The following KDM5B variants were observed in gnomAD, a reference collection of about 807,000 sequenced individuals.
KDM5B encodes lysine-specific demethylase 5B.
Under a neutral mutation model 193.4 loss-of-function variants are expected in KDM5B, and 144 were observed. The observed-to-expected ratio is 0.74, with a 90% CI of 0.65 to 0.86. KDM5B has a LOEUF of 0.86. Among genes scored for constraint, KDM5B ranks in the 40% least tolerant of loss-of-function variants. KDM5B has a pLI of 0.00. For missense variants in KDM5B, 1,833 were observed against 1,886.9 expected (o/e 0.97, Z 0.53); for synonymous variants, 668 against 682.6 (o/e 0.98, Z 0.33).
At position 202,752,989 on chromosome 1, in the gene KDM5B, T is replaced by C; in HGVS notation, c.1617A>G (p.Pro539=). 1.2e-6 allele frequency: 2 copies of C among 1,614,152 alleles called. No homozygotes were observed. The highest frequency in any genetic ancestry group is 1.7e-6 in the Non-Finnish European group (2 of 1,180,018). Residue 539 remains proline (P), a synonymous_variant, in exon 12 of 27, where the codon CCA becomes CCG. Transcript: ENST00000367265. ...QLENVMKKLA[P]ELFVSQPDLL... is the part of the protein sequence containing the mutation. ...GATCCGGCTGGGACACAAAGAGTTC[T>C]GGAGCTAGTTTCTTCATTACATTTT...
intron 20 of KDM5B, among the ~76,000 whole-genome samples, chr1:202,737,879 G>A (rs1175909646): frequency 6.6e-6 from 1 of 152,194 alleles, no homozygotes; most frequent in Non-Finnish European, 1.5e-5. Flanking sequence ...GGGACAACTA[G>A]GGAAGACTGG....
chr1:202,784,061 G>A (rs1657308192), intron 1 of KDM5B, among the ~76,000 whole-genome samples: 1 of 152,244 alleles, frequency 6.6e-6, no homozygotes, highest in Admixed American at 6.5e-5. Flanking sequence ...TGAGAGAAAT[G>A]TTTAAAAAAT....
rs556577215 is a variant in KDM5B at position 202,755,689 on chromosome 1, A to G, written c.1357-237T>C. ...TCTCTTTTTAAATATATATAGAGGA[A>G]CATAAGCCATGAGTCCACTTTAACA... is the stretch of plus-strand genomic sequence containing the variant. On this transcript the variant is annotated intron_variant, in intron 10 of 26. Transcript: ENST00000367265. Among the ~76,000 whole-genome samples the G allele has an allele frequency of 2.0e-5, 3 of 152,252 alleles. No homozygotes were observed. In the South Asian group the frequency reaches 6.2e-4, roughly 32 times the overall value.
intron 3 of KDM5B, 84 bp from the exon 4 acceptor site, chr1:202,773,372 T>C: frequency 8.8e-7 from 1 of 1,141,422 alleles, no homozygotes. Flanking sequence ...GAAAATGTTC[T>C]TGGCTATGGT....
Position 202,773,264 on chromosome 1 carries a change from C to A in KDM5B, c.430G>T (p.Ala144Ser), listed in dbSNP as rs746800943. ...CATTTTCTATCCTTGCAAACAACTG[C>A]AAATCCACCTTCTTCTGCAACTAAC... ...NKLVAEEGGF[A>S]VVCKDRKWTK... The change falls in exon 4 of 27, where the codon GCA becomes TCA. Residue 144 changes from alanine (A) to serine (S), a missense_variant. Ala to Ser is a moderately conservative substitution (Grantham distance 99, BLOSUM62 1). Transcript: ENST00000367265. 3 of 1,614,128 alleles carry A rather than the reference C, an allele frequency of 1.9e-6. No homozygotes were observed. Among genetic ancestry groups the A allele is most frequent in the Non-Finnish European group, 2.5e-6 (3 of 1,180,018 alleles).
chr1:202,776,863 T>C (rs1288210251), intron 2 of KDM5B, among the ~76,000 whole-genome samples, 154 bp downstream of exon 2: 2 of 152,184 alleles, frequency 1.3e-5, no homozygotes, highest in Non-Finnish European at 2.9e-5. Flanking sequence ...TTTAAAGACC[T>C]GTTCTCTACA....
In KDM5B at chr1:202,750,732, G is replaced by T; in HGVS notation, c.1748C>A (p.Pro583Gln). 6.2e-7 allele frequency: 1 copy of T among 1,613,856 alleles called. No individual in the cohort carries two copies. The change falls in exon 13 of 27, where the codon CCA becomes CAA. Residue 583 changes from proline (P) to glutamine (Q), a missense_variant. By Grantham distance (76) the Pro-to-Gln change is moderately conservative. Transcript: ENST00000367265. The part of the protein sequence containing the change: ...QCAGEFVITF[P>Q]RAYHSGFNQG... Reference sequence around the variant, plus strand: ...GTTAAAACCACTGTGGTAGGCTCTTGGAAATGTAATCACAAACTCCCCAGC... The same window carrying T: ...GTTAAAACCACTGTGGTAGGCTCTTTGAAATGTAATCACAAACTCCCCAGC...
intron 1 of KDM5B, among the ~76,000 whole-genome samples, chr1:202,786,903 A>C (rs1657436155): frequency 6.6e-6 from 1 of 152,024 alleles, no homozygotes; most frequent in Non-Finnish European, 1.5e-5. Flanking sequence ...AAAAGCTAAG[A>C]TCTTAGACCA....
At chr1:202,788,849 G>A (rs987870620) in intron 1 of KDM5B, among the ~76,000 whole-genome samples, 1 of 152,016 alleles carries the variant, frequency 6.6e-6, no homozygotes, top group Non-Finnish European at 1.5e-5. Context: ...TAGAATCCAG[G>A]GAAGAAAAAA....
intron 4 of KDM5B, among the ~76,000 whole-genome samples, chr1:202,770,069 G>A (rs548212656): frequency 6.6e-6 from 1 of 152,248 alleles, no homozygotes; most frequent in African/African-American, 2.4e-5. Context: ...TAAGGACTTT[G>A]CAGATCTAAG....
chr1:202,759,552 A>C (rs1656157746), intron 8 of KDM5B, among the ~76,000 whole-genome samples: 1 of 34,784 alleles, frequency 2.9e-5, no homozygotes, highest in East Asian at 8.8e-4. Flanking sequence ...TCCTGTCTCA[A>C]AAAAAAAAAA....
chr1:202,774,901 T>A (rs1298674446), intron 2 of KDM5B, among the ~76,000 whole-genome samples, 166 bp from the exon 3 acceptor site: 1 of 152,110 alleles, frequency 6.6e-6, no homozygotes, highest in East Asian at 1.9e-4. Flanking sequence ...CTTTCTAAAT[T>A]CAGTGAGAAA....
At chr1:202,729,605 A>T in intron 26 of KDM5B, 102 bp downstream of exon 26, 1 of 968,328 alleles carries the variant, frequency 1.0e-6, no homozygotes, top group East Asian at 2.6e-5. Flanking sequence ...GATCAGCTCA[A>T]AGCAGATAAG....
chr1:202,729,143 T>G lies in KDM5B; in HGVS notation c.4528A>C (p.Asn1510His), dbSNP rs1317396745. 2 of 1,614,000 alleles carry G rather than the reference T, an allele frequency of 1.2e-6. No individual in the cohort carries two copies. Among genetic ancestry groups the G allele is most frequent in the Non-Finnish European group, 1.7e-6 (2 of 1,179,972 alleles). The change falls in exon 27 of 27, where the codon AAT becomes CAT. Residue 1510 changes from asparagine (N) to histidine (H), a missense_variant. Asn to His is a moderately conservative substitution (Grantham distance 68). Around this residue, in one of 3 missense-constraint regions of KDM5B, gnomAD observed 1,379 missense variants for 1,349.6 expected, o/e 1.02. Coordinates refer to ENST00000367265, the MANE Select transcript of KDM5B (RefSeq NM_006618.5). ...ACACAGACCTGATGAAACCACTGAT[T>G]GCAGCTGCCATCACACTGGACCCAG... is the stretch of plus-strand genomic sequence containing the variant. ...VDWVQCDGSC[N>H]QWFHQVCVGV...
intron 1 of KDM5B, among the ~76,000 whole-genome samples, chr1:202,805,748 G>GT (rs1658264575): frequency 6.6e-6 from 1 of 152,148 alleles, no homozygotes; most frequent in Non-Finnish European, 1.5e-5. Context: ...AACAAAGACT[G>GT]TTTACATCTC....
rs894619505 is a variant in KDM5B at position 202,728,051 on chromosome 1, A to C, written c.*985T>G. ...AAACAGAGCAGGACACAAAAGAAGAATCCCCTAATGTTGTTTGCAGGCTAA... is the reference window on the plus strand; with the variant it reads ...AAACAGAGCAGGACACAAAAGAAGACTCCCCTAATGTTGTTTGCAGGCTAA... On this transcript the variant is annotated 3_prime_UTR_variant, in exon 27 of 27. Coordinates refer to ENST00000367265, the MANE Select transcript of KDM5B (RefSeq NM_006618.5). 6.6e-6 allele frequency: 1 copy of C among 152,160 alleles called. No homozygotes were observed. Among genetic ancestry groups the C allele is most frequent in the Non-Finnish European group, 1.5e-5 (1 of 68,048 alleles). 9.4% of individuals were successfully genotyped at this position (152,160 alleles called of 1,614,324 possible). A position where few individuals can be genotyped will look rare whatever the true frequency, so the allele number is the denominator to read the frequency against.
Position 202,755,287 on chromosome 1 carries a change from T to C in KDM5B, c.1522A>G (p.Ile508Val), listed in dbSNP as rs747484767. Residue 508 changes from isoleucine to valine, a missense_variant, in exon 11 of 27, where the codon ATT becomes GTT. Ile to Val is a conservative substitution (Grantham distance 29). Around this residue, in one of 3 missense-constraint regions of KDM5B, gnomAD observed 1,379 missense variants for 1,349.6 expected, o/e 1.02. Transcript: ENST00000367265. ...ACTTCTCACCAGTGCAAGTAGTTAA[T>C]TGAATAGCTCCAGTGGTCTTCAATG... The part of the protein sequence containing the change: ...WHIEDHWSYS[I>V]NYLHWGEPKT... 6 of 1,614,090 alleles carry C rather than the reference T, an allele frequency of 3.7e-6. No homozygotes were observed. The highest frequency in any genetic ancestry group is 1.7e-5 in the Admixed American group (1 of 60,018).
chr1:202,735,307 T>C, intron 22 of KDM5B, 122 bp downstream of exon 22: 1 of 1,049,644 alleles, frequency 9.5e-7, no homozygotes, highest in Non-Finnish European at 1.4e-6. Context: ...AAAAGTCTTT[T>C]TAGTAAAACT....
chr1:202,740,236 CCCTCCCG>C (rs1655264653), intron 20 of KDM5B, among the ~76,000 whole-genome samples: 1 of 147,230 alleles, frequency 6.8e-6, no homozygotes. Context: ...TGGGGGCTGA[CCCTCCCG>C]CCTCCCTCCC....
Sources: allele counts gnomAD v4.1 joint callset (sites outside exome capture counted in the v4.1 genomes callset), GRCh38; gene constraint gnomAD v4.1.1; regional missense constraint gnomAD v4.1.1; transcripts MANE v1.5; gene names NCBI Gene and HGNC (gene_info 2026-07-23, HGNC 2026-07-21).